The following CCM2 variants were observed in gnomAD, a reference collection of about 807,000 sequenced individuals.
CCM2 encodes the protein CCM2 scaffold protein.
CCM2 carries 25 observed loss-of-function variants against 44.9 expected under a neutral mutation model. The observed-to-expected ratio is 0.56, with a 90% CI of 0.41 to 0.78. CCM2 has a LOEUF of 0.78. Ranked by LOEUF, CCM2 falls within the 30% of genes least tolerant of loss-of-function variation. CCM2 has a pLI of 0.00. For synonymous variants in CCM2, 219 were observed against 241.1 expected (o/e 0.91, Z 0.85); for missense variants, 481 against 580.6 (o/e 0.83, Z 1.76).
intron 1 of CCM2, among the ~76,000 whole-genome samples, chr7:45,025,973 C>T (rs1445457339): frequency 6.6e-6 from 1 of 152,202 alleles, no homozygotes; most frequent in Non-Finnish European, 1.5e-5. Context: ...CTCATGCTGA[C>T]CGTGGGGATC....
intron 1 of CCM2, among the ~76,000 whole-genome samples, chr7:45,005,880 C>T (rs1239374634): frequency 1.3e-5 from 2 of 152,180 alleles, no homozygotes; most frequent in African/African-American, 4.8e-5. Context: ...GTGGAGAGGA[C>T]CCCCCAGTCC....
intron 2 of CCM2, among the ~76,000 whole-genome samples, chr7:45,057,515 T>C (rs182729911): frequency 1.2e-3 from 176 of 152,334 alleles, no homozygotes; most frequent in African/African-American, 3.9e-3. Context: ...TCACGCTCTT[T>C]CCATGACTGT....
At chr7:45,031,647 TC>T (rs1796976102) in intron 1 of CCM2, among the ~76,000 whole-genome samples, 2 of 152,290 alleles carry the variant, frequency 1.3e-5, no homozygotes, top group South Asian at 4.1e-4. Context: ...AGCCTTGACT[TC>T]CTAGGCTCAA....
At chr7:45,011,810 TCTAAAAGTGCTGA>T (rs1562858704) in intron 1 of CCM2, among the ~76,000 whole-genome samples, 2 of 152,200 alleles carry the variant, frequency 1.3e-5, no homozygotes. Context: ...CCTTGGCCTC[TCTAAAAGTGCTGA>T]GATTATAGGT....
chr7:45,074,154 G>A lies in CCM2; in HGVS notation c.916-116G>A, dbSNP rs1799226195. 3.2e-6 allele frequency: 5 copies of A among 1,569,948 alleles called. 1 individual carries two copies. In the Middle Eastern group the frequency reaches 7.7e-4, roughly 241 times the overall value. ...TTCTGATGCCCCAGCCTGTGCAGAG[G>A]TGAAGCCAGAGACAGCTGGTGCTCT... On this transcript the variant is annotated intron_variant, in intron 8 of 9. Transcript: ENST00000258781.
intron 5 of CCM2, 28 bp downstream of exon 5, chr7:45,068,607 G>T: frequency 1.2e-6 from 2 of 1,613,116 alleles, no homozygotes; most frequent in Non-Finnish European, 1.7e-6. Context: ...CACTTACTCA[G>T]AACTGGCTCC....
intron 1 of CCM2, among the ~76,000 whole-genome samples, chr7:45,014,061 C>G (rs887799346): frequency 2.6e-5 from 4 of 152,138 alleles, no homozygotes; most frequent in African/African-American, 9.7e-5. Context: ...TATTTTGAAG[C>G]TCAAATTGTC....
intron 6 of CCM2, chr7:45,072,166 C>G (rs984147906): frequency 5.9e-6 from 2 of 340,252 alleles, no homozygotes; most frequent in Non-Finnish European, 1.1e-5. Flanking sequence ...CTGTGTCACA[C>G]GGACCTAATG....
chr7:45,039,027 G>A (rs951638510), intron 2 of CCM2, among the ~76,000 whole-genome samples: 1 of 152,218 alleles, frequency 6.6e-6, no homozygotes, highest in Non-Finnish European at 1.5e-5. Flanking sequence ...GAAGGAAACC[G>A]CTGAGGGTGA....
intron 1 of CCM2, among the ~76,000 whole-genome samples, chr7:45,020,921 C>T (rs1583862135): frequency 6.6e-6 from 1 of 152,194 alleles, no homozygotes; most frequent in Admixed American, 6.6e-5. Flanking sequence ...ATAATACAGT[C>T]TTATTACCTT....
intron 4 of CCM2, among the ~76,000 whole-genome samples, chr7:45,066,657 G>C (rs1798789646): frequency 6.6e-6 from 1 of 152,136 alleles, no homozygotes; most frequent in Non-Finnish European, 1.5e-5. Context: ...GAGCTGCTTG[G>C]AGGGTGATGA....
Position 45,068,591 on chromosome 7 carries a change from T to C in CCM2, c.609+12T>C. 1 of 1,613,738 alleles carries C rather than the reference T, an allele frequency of 6.2e-7. No individual in the cohort carries two copies. On this transcript the variant is annotated intron_variant, in intron 5 of 9. Coordinates refer to ENST00000258781, the MANE Select transcript of CCM2 (RefSeq NM_031443.4). ...CTGCAGAGAGCAAGGTGAGACTTTC[T>C]CGCCCCACTTACTCAGAACTGGCTC...
chr7:45,023,934 C>T (rs903999965), intron 1 of CCM2, among the ~76,000 whole-genome samples: 7 of 151,576 alleles, frequency 4.6e-5, no homozygotes, highest in South Asian at 2.1e-4. Context: ...CCTCAGTCTC[C>T]GTAGTAGCTG....
intron 1 of CCM2, among the ~76,000 whole-genome samples, chr7:45,021,763 G>A (rs1796491169): frequency 6.6e-6 from 1 of 151,700 alleles, no homozygotes; most frequent in African/African-American, 2.4e-5. Context: ...GAGGAGAGGG[G>A]AAGGGATGAG....
At chr7:45,070,046 C>A in intron 6 of CCM2, 85 bp downstream of exon 6, 2 of 1,528,400 alleles carry the variant, frequency 1.3e-6, no homozygotes, top group Non-Finnish European at 1.8e-6. Flanking sequence ...TGAGTTACTC[C>A]TGGAATAGCG....
In CCM2 at chr7:45,072,801, C is replaced by G; in HGVS notation, c.803+18C>G. ...AGCACTTTGTGAGTGCACATGCCAC[C>G]AAGCCCTGCGGTGGGACACGCACCA... On this transcript the variant is annotated intron_variant, in intron 7 of 9. Transcript: ENST00000258781. The G allele has an allele frequency of 1.2e-6, 2 of 1,605,982 alleles. No homozygotes were observed. The highest frequency in any genetic ancestry group is 1.7e-6 in the Non-Finnish European group (2 of 1,174,520).
At chr7:45,026,492 CTG>C (rs1796694255) in intron 1 of CCM2, among the ~76,000 whole-genome samples, 1 of 151,864 alleles carries the variant, frequency 6.6e-6, no homozygotes, top group Admixed American at 6.6e-5. Context: ...AGCCAAAACA[CTG>C]TTGAAAATCA....
At chr7:45,009,941 A>T (rs1333672806) in intron 1 of CCM2, among the ~76,000 whole-genome samples, 1 of 150,044 alleles carries the variant, frequency 6.7e-6, no homozygotes, top group African/African-American at 2.5e-5. Flanking sequence ...ACAGGGTCTC[A>T]CTCTGTCACA....
intron 1 of CCM2, among the ~76,000 whole-genome samples, chr7:45,005,730 T>G (rs1481264660): frequency 1.3e-5 from 2 of 152,154 alleles, no homozygotes; most frequent in Non-Finnish European, 2.9e-5. Flanking sequence ...ACATTGCACT[T>G]TGGAAAGTAG....
Sources: gnomAD v4.1 joint callset for allele counts (sites outside exome capture counted in the v4.1 genomes callset) on GRCh38, gnomAD v4.1.1 for gene constraint, MANE v1.5 for transcripts, NCBI Gene and HGNC (gene_info 2026-07-23, HGNC 2026-07-21) for gene names.